CSGALNACT1: variants seen among roughly 807,000 people sequenced by gnomAD.
CSGALNACT1 encodes beta4GalNAcT-1.
In CSGALNACT1, 52 loss-of-function variants were observed where a neutral mutation model predicts 51.0. The observed-to-expected ratio is 1.02, with a 90% confidence interval of 0.82 to 1.29. The LOEUF is 1.29. Ranked by LOEUF, CSGALNACT1 falls within the 50% of genes most tolerant of loss-of-function variation. The pLI is 0.00. For missense variants in CSGALNACT1, 935 were observed against 679.2 expected, an observed-to-expected ratio of 1.38 and a Z score of -4.19; for synonymous variants, 341 against 254.4, an observed-to-expected ratio of 1.34 and a Z score of -3.24.
intron 3 of CSGALNACT1, among the ~76,000 whole-genome samples, chr8:19,509,621 CAAAAAAAAAAAA>C (rs755422032): frequency 3.5e-5 from 2 of 56,962 alleles, no homozygotes; most frequent in South Asian, 9.5e-4. Context: ...GACTCTGTCT[CAAAAAAAAAAAA>C]AAAAAAAAAA....
intron 1 of CSGALNACT1, among the ~76,000 whole-genome samples, chr8:19,637,432 G>C (rs910646262): frequency 1.3e-5 from 2 of 152,060 alleles, no homozygotes; most frequent in Admixed American, 1.3e-4. Context: ...GGTTTATAAT[G>C]TTCTCTTTTT....
At chr8:19,626,152 A>C (rs2054424816) in intron 1 of CSGALNACT1, among the ~76,000 whole-genome samples, 1 of 152,230 alleles carries the variant, frequency 6.6e-6, no homozygotes, top group East Asian at 1.9e-4. Context: ...GAGGAATCAC[A>C]ATACCCAGTT....
chr8:19,586,806 A>T (rs1037691140), intron 3 of CSGALNACT1, among the ~76,000 whole-genome samples: 2 of 152,192 alleles, frequency 1.3e-5, no homozygotes, highest in Admixed American at 6.5e-5. Flanking sequence ...AAACAAAACA[A>T]GTCTTTACTT....
intron 1 of CSGALNACT1, among the ~76,000 whole-genome samples, chr8:19,669,858 GCCCTCCAGATACTATTCAAACTTA>G (rs1413591882): frequency 6.6e-6 from 1 of 152,088 alleles, no homozygotes; most frequent in Non-Finnish European, 1.5e-5. Flanking sequence ...CAGCATGAAG[GCCCTCCAGATACTATTCAAACTTA>G]CCTTTCAGTT....
At chr8:19,682,878 T>C, upstream of CSGALNACT1, 1 of 370,050 alleles carries the variant, frequency 2.7e-6, no homozygotes. Flanking sequence ...CAGGTCCAAC[T>C]GCAGACCGCT....
At chr8:19,743,004 T>C (rs2064413303) in intron 1 of CSGALNACT1, among the ~76,000 whole-genome samples, 1 of 152,212 alleles carries the variant, frequency 6.6e-6, no homozygotes, top group South Asian at 2.1e-4. Flanking sequence ...TGTTTGATCT[T>C]TATTTCCCTG....
At chr8:19,427,749 C>G (rs1003639121) in intron 6 of CSGALNACT1, among the ~76,000 whole-genome samples, 1 of 151,910 alleles carries the variant, frequency 6.6e-6, no homozygotes, top group Non-Finnish European at 1.5e-5. Context: ...GATCGCGCCA[C>G]TGCACTCCAG....
intron 1 of CSGALNACT1, among the ~76,000 whole-genome samples, chr8:19,693,080 T>C (rs1402947315): frequency 6.6e-6 from 1 of 152,172 alleles, no homozygotes; most frequent in Non-Finnish European, 1.5e-5. Flanking sequence ...GTGCCAGTCA[T>C]TTGCCTATTT....
chr8:19,735,904 A>C (rs1023245624), intron 1 of CSGALNACT1, among the ~76,000 whole-genome samples: 2 of 152,216 alleles, frequency 1.3e-5, no homozygotes, highest in Admixed American at 1.3e-4. Context: ...AAAAAATACA[A>C]AGTACATAAA....
intron 1 of CSGALNACT1, among the ~76,000 whole-genome samples, chr8:19,651,394 T>A (rs2057789955): frequency 6.6e-6 from 1 of 152,188 alleles, no homozygotes; most frequent in Admixed American, 6.5e-5. Context: ...CCCAATAGTT[T>A]TTTTATCTTC....
rs567269651 is a variant in CSGALNACT1, at chr8:19,651,481, G to A, written c.-544+30992C>T. 1.4e-3 allele frequency among the ~76,000 whole-genome samples: 211 copies of A among 152,182 alleles called. No individual in the cohort carries two copies. The South Asian group carries it at 0.021, about 15-fold the overall frequency. ...ATCTTTGTGTTCATGTGTACTCAAC[G>A]TTTAGCTCCCACTTGTAAGCGAGAA... On this transcript the variant is annotated intron_variant, in intron 1 of 9. Coordinates refer to the CSGALNACT1 transcript ENST00000332246.
At chr8:19,458,153 A>C (rs984262589) in intron 5 of CSGALNACT1, among the ~76,000 whole-genome samples, 1 of 152,230 alleles carries the variant, frequency 6.6e-6, no homozygotes. Flanking sequence ...CAGAATGAAC[A>C]TAACAGGCAT....
intron 4 of CSGALNACT1, among the ~76,000 whole-genome samples, chr8:19,488,980 T>C (rs2073761174): frequency 6.6e-6 from 1 of 152,102 alleles, no homozygotes; most frequent in Non-Finnish European, 1.5e-5. Context: ...CAGTTATTAT[T>C]ATGCGCAAAT....
intron 1 of CSGALNACT1, among the ~76,000 whole-genome samples, chr8:19,743,585 G>A (rs1414360994): frequency 6.6e-6 from 1 of 152,150 alleles, no homozygotes; most frequent in Non-Finnish European, 1.5e-5. Flanking sequence ...AAGTAAGTAA[G>A]GGTTCACCAC....
intron 6 of CSGALNACT1, among the ~76,000 whole-genome samples, chr8:19,438,572 G>A (rs1443337683): frequency 6.6e-6 from 1 of 152,198 alleles, no homozygotes; most frequent in Non-Finnish European, 1.5e-5. Flanking sequence ...TTAGAGCAGG[G>A]ATGGGCACAA....
At chr8:19,716,791 C>T (rs1001429517) in intron 1 of CSGALNACT1, among the ~76,000 whole-genome samples, 1 of 145,834 alleles carries the variant, frequency 6.9e-6, no homozygotes, top group Non-Finnish European at 1.5e-5. Flanking sequence ...GACTTTTTCT[C>T]AAAAAAAAAA....
At chr8:19,753,787 A>T (rs2065188866) in intron 1 of CSGALNACT1, among the ~76,000 whole-genome samples, 1 of 152,258 alleles carries the variant, frequency 6.6e-6, no homozygotes, top group Non-Finnish European at 1.5e-5. Context: ...ATTTTCAGTA[A>T]TAATGTTTGT....
chr8:19,575,775 T>C (rs2044063510), intron 3 of CSGALNACT1, among the ~76,000 whole-genome samples: 1 of 152,084 alleles, frequency 6.6e-6, no homozygotes, highest in Admixed American at 6.5e-5. Flanking sequence ...AATATTCCCC[T>C]GATTTTTTTC....
intron 1 of CSGALNACT1, among the ~76,000 whole-genome samples, chr8:19,642,399 C>G (rs186434621): frequency 4.6e-5 from 7 of 152,008 alleles, no homozygotes; most frequent in African/African-American, 1.7e-4. Flanking sequence ...AAATATGAAA[C>G]AGATCAACAA....
Sources: gnomAD v4.1 joint callset for allele counts (sites outside exome capture counted in the v4.1 genomes callset) on GRCh38, gnomAD v4.1.1 for gene constraint, MANE v1.5 for transcripts, NCBI Gene and HGNC (gene_info 2026-07-23, HGNC 2026-07-21) for gene names.